The following SERPINI1 variants were observed in gnomAD, a reference collection of about 807,000 sequenced individuals.
SERPINI1 encodes neuroserpin.
Under a neutral mutation model 41.1 loss-of-function variants are expected in SERPINI1, and 19 were observed. That is an observed-to-expected ratio of 0.46 (90% CI 0.32 to 0.68). SERPINI1 has a LOEUF of 0.68. Ranked by LOEUF, SERPINI1 falls within the 30% of genes least tolerant of loss-of-function variation. The pLI, the probability that SERPINI1 is intolerant of heterozygous loss-of-function variation, is 0.03. For synonymous variants in SERPINI1, 138 were observed against 156.6 expected (o/e 0.88, Z 0.89); for missense variants, 460 against 479.2 (o/e 0.96, Z 0.37).
At chr3:167,790,737 G>A in intron 3 of SERPINI1, 135 bp downstream of exon 3, 1 of 685,618 alleles carries the variant, frequency 1.5e-6, no homozygotes, top group Non-Finnish European at 2.6e-6. Context: ...TAATTATTTT[G>A]TATAGATTAT....
chr3:167,786,379 G>T (rs1211673022), intron 1 of SERPINI1, among the ~76,000 whole-genome samples: 3 of 151,970 alleles, frequency 2.0e-5, no homozygotes, highest in Non-Finnish European at 4.4e-5. Context: ...GTTGTGGCAG[G>T]CGCCTGTAGT....
In SERPINI1 at chr3:167,789,092, G is replaced by GTAAATTGTT; in HGVS notation, c.-18-18_-18-10dup. ...TATAGAGATAACTAATAATTAATATGTAAATTGTTGTTTTTTAGGCTTGAA... is the reference window on the plus strand; with the variant it reads ...TATAGAGATAACTAATAATTAATATGTAAATTGTTTAAATTGTTGTTTTTTAGGCTTGAA... On this transcript the variant is annotated intron_variant, in intron 1 of 8. Transcript: ENST00000446050. 6.2e-7 allele frequency: 1 copy of GTAAATTGTT among 1,608,698 alleles called. No individual in the cohort carries two copies. Among genetic ancestry groups the GTAAATTGTT allele is most frequent in the Non-Finnish European group, 8.5e-7 (1 of 1,177,930 alleles).
At chr3:167,824,994 C>T (rs1293387505) in intron 8 of SERPINI1, among the ~76,000 whole-genome samples, 1 of 151,828 alleles carries the variant, frequency 6.6e-6, no homozygotes, top group Non-Finnish European at 1.5e-5. Context: ...TTACAGTAAG[C>T]TCTGATAGAG....
At chr3:167,747,460 C>T (rs1725893595) in intron 1 of SERPINI1, among the ~76,000 whole-genome samples, 1 of 152,080 alleles carries the variant, frequency 6.6e-6, no homozygotes, top group Admixed American at 6.5e-5. Flanking sequence ...CTGGCTAACA[C>T]GGTGAAACTC....
chr3:167,808,889 C>T (rs1031411203), intron 6 of SERPINI1, among the ~76,000 whole-genome samples: 1 of 152,142 alleles, frequency 6.6e-6, no homozygotes, highest in African/African-American at 2.4e-5. Flanking sequence ...TGAAAAAAGC[C>T]TTTGTCCTCC....
In SERPINI1 at chr3:167,772,893, T is replaced by TATATACAC. The variant is rs1391850018; in HGVS notation, c.-18-16217_-18-16216insTATACACA. Among the ~76,000 whole-genome samples the TATATACAC allele has an allele frequency of 1.5e-4, 8 of 52,232 alleles. No individual in the cohort carries two copies. The East Asian group carries it at 2.2e-3, about 14-fold the overall frequency. The allele number at this position is 52,232 out of a possible 152,430, so 34.3% of individuals were successfully genotyped here. A position where few individuals can be genotyped will look rare whatever the true frequency, so the allele number is the denominator to read the frequency against. The stretch of plus-strand genomic sequence containing the variant: ...ATATATATATATATATATATATATA[T>TATATACAC]ACACACACACACACACACACACACA... On this transcript the variant is annotated intron_variant, in intron 1 of 8. Coordinates refer to ENST00000446050, the MANE Select transcript of SERPINI1 (RefSeq NM_001122752.2).
At chr3:167,760,816 A>G (rs1412044165) in intron 1 of SERPINI1, among the ~76,000 whole-genome samples, 1 of 152,174 alleles carries the variant, frequency 6.6e-6, no homozygotes, top group Non-Finnish European at 1.5e-5. Flanking sequence ...AACATTTAAG[A>G]TCAATTCATC....
chr3:167,793,575 A>AAT (rs1198926852), intron 4 of SERPINI1, among the ~76,000 whole-genome samples: 2,227 of 134,078 alleles, frequency 0.017, 31 homozygotes, highest in East Asian at 0.025. Context: ...TTTCTCTACA[A>AAT]ATATATATAT....
At chr3:167,757,946 C>T (rs572638163) in intron 1 of SERPINI1, among the ~76,000 whole-genome samples, 1 of 152,176 alleles carries the variant, frequency 6.6e-6, no homozygotes, top group East Asian at 1.9e-4. Flanking sequence ...ATAAATGTTC[C>T]TAAATGTTCT....
At chr3:167,740,063 G>T (rs1393935358) in intron 1 of SERPINI1, among the ~76,000 whole-genome samples, 15 of 141,134 alleles carry the variant, frequency 1.1e-4, no homozygotes, top group Non-Finnish European at 7.6e-5. Flanking sequence ...GACAGGGTCT[G>T]ACTCTGTCGC....
intron 2 of SERPINI1, among the ~76,000 whole-genome samples, chr3:167,790,106 G>A (rs1727449195): frequency 1.3e-5 from 2 of 152,024 alleles, no homozygotes; most frequent in Non-Finnish European, 2.9e-5. Context: ...TAGTAATTTG[G>A]AAGAAAACAG....
intron 1 of SERPINI1, among the ~76,000 whole-genome samples, chr3:167,744,795 T>C (rs28503198): frequency 4.7e-5 from 6 of 126,800 alleles, no homozygotes; most frequent in Non-Finnish European, 9.7e-5. Flanking sequence ...TGGTTATATA[T>C]ATATATAATA....
At chr3:167,811,342 G>C (rs948977001) in intron 6 of SERPINI1, among the ~76,000 whole-genome samples, 1 of 151,188 alleles carries the variant, frequency 6.6e-6, no homozygotes, top group Admixed American at 6.6e-5. Context: ...ATAGTGAAAA[G>C]GCTGAGAAAT....
At chr3:167,775,910 C>A (rs1277431538) in intron 1 of SERPINI1, among the ~76,000 whole-genome samples, 1 of 152,138 alleles carries the variant, frequency 6.6e-6, no homozygotes, top group African/African-American at 2.4e-5. Flanking sequence ...TAAAAATACT[C>A]TTTTCTCCAC....
At chr3:167,753,230 T>G (rs566104371) in intron 1 of SERPINI1, among the ~76,000 whole-genome samples, 1 of 152,202 alleles carries the variant, frequency 6.6e-6, no homozygotes, top group Admixed American at 6.5e-5. Flanking sequence ...CCATCTTTGT[T>G]TTGGGTGACT....
intron 6 of SERPINI1, among the ~76,000 whole-genome samples, chr3:167,818,809 T>G (rs933629529): frequency 2.0e-5 from 3 of 152,228 alleles, no homozygotes; most frequent in Admixed American, 2.0e-4. Flanking sequence ...ATGATTTTTC[T>G]TGTTTCAAAG....
intron 1 of SERPINI1, among the ~76,000 whole-genome samples, chr3:167,740,841 G>A (rs1388659927): frequency 1.3e-5 from 2 of 151,072 alleles, no homozygotes; most frequent in Non-Finnish European, 3.0e-5. Flanking sequence ...ATTTAAAGAT[G>A]TGCTTTTATG....
At chr3:167,772,528 A>T (rs1176246963) in intron 1 of SERPINI1, among the ~76,000 whole-genome samples, 2 of 151,934 alleles carry the variant, frequency 1.3e-5, no homozygotes, top group Non-Finnish European at 2.9e-5. Flanking sequence ...TCTCTTATGG[A>T]GTAAAATCCA....
At chr3:167,739,068 A>G (rs981894891) in intron 1 of SERPINI1, among the ~76,000 whole-genome samples, 1 of 151,712 alleles carries the variant, frequency 6.6e-6, no homozygotes, top group Non-Finnish European at 1.5e-5. Context: ...TTTTGGGATC[A>G]GAATTAACGT....
Sources: gnomAD v4.1 joint callset for allele counts (sites outside exome capture counted in the v4.1 genomes callset) on GRCh38, gnomAD v4.1.1 for gene constraint, MANE v1.5 for transcripts, NCBI Gene and HGNC (gene_info 2026-07-23, HGNC 2026-07-21) for gene names.